The following MCTP2 variants were observed in gnomAD, a reference collection of about 807,000 sequenced individuals.
The protein encoded by MCTP2 is multiple C2 and transmembrane domain-containing protein 2.
A neutral mutation model predicts 111.6 loss-of-function variants in MCTP2; 132 were observed. The observed-to-expected ratio is 1.18, with a 90% CI of 1.03 to 1.37. MCTP2 has a LOEUF of 1.37. Ranked by LOEUF, MCTP2 falls within the 40% of genes most tolerant of loss-of-function variation. MCTP2 has a pLI of 0.00. For missense variants in MCTP2, 1,183 were observed against 1,067.9 expected, an observed-to-expected ratio of 1.11 and a Z score of -1.50; for synonymous variants, 395 against 387.7, an observed-to-expected ratio of 1.02 and a Z score of -0.22.
At chr15:94,307,188 G>C (rs569532515) in intron 2 of MCTP2, among the ~76,000 whole-genome samples, 1 of 152,276 alleles carries the variant, frequency 6.6e-6, no homozygotes, top group Non-Finnish European at 1.5e-5. Context: ...CTTCCTCATG[G>C]AGTTTCCACT....
intron 8 of MCTP2, among the ~76,000 whole-genome samples, chr15:94,352,292 T>C (rs2152419615): frequency 6.6e-6 from 1 of 152,306 alleles, no homozygotes; most frequent in South Asian, 2.1e-4. Flanking sequence ...TTTTCAAAGC[T>C]CTTTTACAGA....
chr15:94,386,759 T>C (rs2080506832), intron 14 of MCTP2, among the ~76,000 whole-genome samples: 1 of 152,150 alleles, frequency 6.6e-6, no homozygotes. Context: ...TTGACAGTTT[T>C]CTCATTTCAC....
intron 1 of MCTP2, among the ~76,000 whole-genome samples, chr15:94,244,304 TTATA>T (rs1200804866): frequency 8.1e-5 from 12 of 147,996 alleles, no homozygotes; most frequent in South Asian, 2.1e-4. Flanking sequence ...GTGTATATAT[TTATA>T]TACACATATG....
At chr15:94,460,758 G>A (rs1044460849) in intron 20 of MCTP2, among the ~76,000 whole-genome samples, 35 of 152,226 alleles carry the variant, frequency 2.3e-4, no homozygotes, top group African/African-American at 8.0e-4. Flanking sequence ...TGTGTCTTCA[G>A]CCCATGAACA....
chr15:94,277,665 G>C (rs188833912), intron 1 of MCTP2, among the ~76,000 whole-genome samples: 2 of 152,246 alleles, frequency 1.3e-5, no homozygotes, highest in East Asian at 1.9e-4. Context: ...AGAGGTTCAG[G>C]GGGAGGTAAG....
At chr15:94,351,312 A>T (rs1020358022) in intron 8 of MCTP2, among the ~76,000 whole-genome samples, 2 of 152,168 alleles carry the variant, frequency 1.3e-5, no homozygotes, top group Non-Finnish European at 2.9e-5. Flanking sequence ...TGTTCCATGG[A>T]TGTATGGATC....
At position 94,438,172 on chromosome 15, in the gene MCTP2, G is replaced by A. The variant is rs751209013; in HGVS notation, c.2086-2004G>A. Among the ~76,000 whole-genome samples the A allele has an allele frequency of 4.6e-5, 7 of 152,134 alleles. No individual in the cohort carries two copies. In the South Asian group the frequency reaches 6.2e-4, roughly 14 times the overall value. On this transcript the variant is annotated intron_variant, in intron 17 of 22. Coordinates refer to ENST00000357742, the MANE Select transcript of MCTP2 (RefSeq NM_001385001.1). ...TTTGCATTGATGAGCGAGTATAGTCGTCAAATTGCAGAGCATTCATTTGAA... is the reference window on the plus strand; with the variant it reads ...TTTGCATTGATGAGCGAGTATAGTCATCAAATTGCAGAGCATTCATTTGAA...
chr15:94,322,683 A>C (rs775614457), intron 4 of MCTP2, among the ~76,000 whole-genome samples: 9 of 152,222 alleles, frequency 5.9e-5, no homozygotes, highest in Non-Finnish European at 8.8e-5. Context: ...GTATAATCTC[A>C]TTAGGCAGTC....
chr15:94,335,183 C>T (rs2077301021), intron 4 of MCTP2, among the ~76,000 whole-genome samples: 1 of 152,094 alleles, frequency 6.6e-6, no homozygotes, highest in Admixed American at 6.6e-5. Context: ...TATTTCTAAA[C>T]CTTGGCTCTG....
At position 94,475,281 on chromosome 15, in the gene MCTP2, C is replaced by T. The variant is rs901512594; in HGVS notation, c.2471-1415C>T. ...GTGCAGCTTTGACTTGAGGGAAAGG[C>T]GATCATTTGCTAGGAACCTTCACCA... On this transcript the variant is annotated intron_variant, in intron 21 of 22. Coordinates refer to ENST00000357742, the MANE Select transcript of MCTP2 (RefSeq NM_001385001.1). 4.6e-5 allele frequency among the ~76,000 whole-genome samples: 7 copies of T among 152,168 alleles called. No individual in the cohort carries two copies. The East Asian group carries it at 7.7e-4, about 17-fold the overall frequency.
chr15:94,390,131 T>TGC (rs2080866914), intron 14 of MCTP2, among the ~76,000 whole-genome samples: 1 of 69,622 alleles, frequency 1.4e-5, no homozygotes, highest in African/African-American at 4.1e-5. Flanking sequence ...TATATATATA[T>TGC]ACTTAGATGT....
chr15:94,394,218 C>T (rs2081159585), intron 14 of MCTP2, among the ~76,000 whole-genome samples: 2 of 151,320 alleles, frequency 1.3e-5, no homozygotes, highest in Admixed American at 1.3e-4. Context: ...TGATTTTTAA[C>T]ATTACTTAAC....
chr15:94,323,849 T>C (rs951629128), intron 4 of MCTP2, among the ~76,000 whole-genome samples: 1 of 152,210 alleles, frequency 6.6e-6, no homozygotes, highest in African/African-American at 2.4e-5. Flanking sequence ...CTTCTATTTC[T>C]CTCATCTTTC....
chr15:94,252,753 G>T (rs1263666316), intron 1 of MCTP2, among the ~76,000 whole-genome samples: 3 of 151,984 alleles, frequency 2.0e-5, no homozygotes, highest in Non-Finnish European at 2.9e-5. Flanking sequence ...TCAGACCTAG[G>T]TAGGGTTACC....
intron 17 of MCTP2, among the ~76,000 whole-genome samples, chr15:94,415,150 C>T (rs1223362028): frequency 5.9e-5 from 9 of 151,980 alleles, no homozygotes; most frequent in South Asian, 2.1e-4. Flanking sequence ...TCTGGGAGGT[C>T]GCAGAGTGTT....
intron 10 of MCTP2, among the ~76,000 whole-genome samples, chr15:94,362,774 T>C (rs977797883): frequency 1.4e-4 from 22 of 152,202 alleles, no homozygotes; most frequent in African/African-American, 5.1e-4. Flanking sequence ...TCATGGCAAG[T>C]AAAACTTGAG....
rs532399112 is a variant in MCTP2 at position 94,349,591 on chromosome 15, C to T, written c.1005+4427C>T. Among the ~76,000 whole-genome samples the T allele has an allele frequency of 5.7e-4, 87 of 152,124 alleles. 2 individuals are homozygous for T. The Middle Eastern group carries it at 0.02, about 36-fold the overall frequency. The stretch of plus-strand genomic sequence containing the variant: ...GATAAAAAAAGACTGGAGGCTGAGG[C>T]GGGCGGATCACGAGGTCAGGAGATC... On this transcript the variant is annotated intron_variant, in intron 8 of 22. Transcript: ENST00000357742.
intron 12 of MCTP2, among the ~76,000 whole-genome samples, chr15:94,381,350 G>C (rs192603153): frequency 5.3e-4 from 81 of 152,268 alleles, no homozygotes; most frequent in Middle Eastern, 6.8e-3. Context: ...ATTAATAAAT[G>C]CAGCATTTTA....
At chr15:94,261,617 C>T (rs1361074660) in intron 1 of MCTP2, among the ~76,000 whole-genome samples, 1 of 152,160 alleles carries the variant, frequency 6.6e-6, no homozygotes, top group African/African-American at 2.4e-5. Context: ...TCCCTCACAC[C>T]ATGAGATATT....
Sources: allele counts gnomAD v4.1 joint callset (sites outside exome capture counted in the v4.1 genomes callset), GRCh38; gene constraint gnomAD v4.1.1; transcripts MANE v1.5; gene names NCBI Gene and HGNC (gene_info 2026-07-23, HGNC 2026-07-21).